Variants in MTARC1 observed in about 807,000 individuals in gnomAD.
The protein encoded by MTARC1 is mitochondrial amidoxime-reducing component 1.
In MTARC1, 24 loss-of-function variants were observed where a neutral mutation model predicts 33.6. That is an observed-to-expected ratio of 0.72 (90% CI 0.52 to 1.01). The LOEUF (loss-of-function observed/expected upper bound fraction) is 1.01, where lower values mean the gene tolerates loss of function less well. MTARC1 is among the 50% of genes least tolerant of loss of function. MTARC1 has a pLI of 0.00. For missense variants in MTARC1, 417 were observed against 445.7 expected, an observed-to-expected ratio of 0.94 and a Z score of 0.58; for synonymous variants, 187 against 189.5, an observed-to-expected ratio of 0.99 and a Z score of 0.11.
rs1673227595 is a variant in MTARC1, at chr1:220,814,229, C to CA, written c.*812dup. ...AAAGGGGGAAAAGGAAAGCATATGTCAGTTGTTTAAAACCCAATATCTATT... is the reference window on the plus strand; with the variant it reads ...AAAGGGGGAAAAGGAAAGCATATGTCAAGTTGTTTAAAACCCAATATCTATT... On this transcript the variant is annotated 3_prime_UTR_variant, in exon 7 of 7. Coordinates refer to ENST00000366910, the MANE Select transcript of MTARC1 (RefSeq NM_022746.4). 1 of 152,194 alleles carries CA rather than the reference C, an allele frequency of 6.6e-6. No homozygotes were observed. Among genetic ancestry groups the CA allele is most frequent in the Non-Finnish European group, 1.5e-5 (1 of 68,040 alleles). The allele number at this position is 152,194 out of a possible 1,614,324, so 9.4% of individuals were successfully genotyped here.
chr1:220,807,244 A>G (rs754677040), intron 6 of MTARC1, among the ~76,000 whole-genome samples: 54 of 152,316 alleles, frequency 3.5e-4, no homozygotes, highest in Middle Eastern at 6.8e-3. Context: ...GAAATGCAAA[A>G]AGACAATACA....
intron 6 of MTARC1, among the ~76,000 whole-genome samples, chr1:220,809,798 A>G (rs184506583): frequency 6.6e-6 from 1 of 152,190 alleles, no homozygotes; most frequent in African/African-American, 2.4e-5. Flanking sequence ...ATGCTGTTTA[A>G]TTCTTAACCT....
intron 6 of MTARC1, among the ~76,000 whole-genome samples, chr1:220,807,274 C>T (rs1156774776): frequency 6.6e-6 from 1 of 152,126 alleles, no homozygotes; most frequent in African/African-American, 2.4e-5. Flanking sequence ...TGGATAGATA[C>T]ATGTGTGATA....
At position 220,791,540 on chromosome 1, in the gene MTARC1, G is replaced by A. The variant is rs771876954; in HGVS notation, c.325G>A (p.Glu109Lys). 6.2e-7 allele frequency: 1 copy of A among 1,614,122 alleles called. No homozygotes were observed. Among genetic ancestry groups the A allele is most frequent in the Non-Finnish European group, 8.5e-7 (1 of 1,180,028 alleles). ...QEGNMVTARQ[E>K]PRLVLISLTC... The stretch of plus-strand genomic sequence containing the variant: ...GGGAAACATGGTTACTGCTCGCCAG[G>A]AACCTCGCCTGGTCCTGATTTCCCT... Residue 109 changes from glutamate (E) to lysine (K), a missense_variant, in exon 2 of 7, where the codon GAA becomes AAA. Physicochemically the swap from Glu to Lys is moderately conservative, Grantham distance 56. Coordinates refer to ENST00000366910, the MANE Select transcript of MTARC1 (RefSeq NM_022746.4).
chr1:220,811,005 A>G (rs1673115897), intron 6 of MTARC1, among the ~76,000 whole-genome samples: 1 of 152,162 alleles, frequency 6.6e-6, no homozygotes, highest in South Asian at 2.1e-4. Context: ...TTCCTTATAA[A>G]CTATCCATGT....
At chr1:220,805,155 A>G in intron 5 of MTARC1, 42 bp downstream of exon 5, 1 of 1,613,996 alleles carries the variant, frequency 6.2e-7, no homozygotes, top group Non-Finnish European at 8.5e-7. Context: ...GGTGGGGATA[A>G]GTTCGCTCTG....
chr1:220,798,718 G>A (rs114475693), intron 4 of MTARC1: 1 of 755,510 alleles, frequency 1.3e-6, no homozygotes, highest in African/African-American at 1.9e-5. Context: ...CAGAAACCCT[G>A]ACCCACAGCT....
rs1240346425 is a variant in MTARC1, at chr1:220,816,649, G to C, written c.*3231G>C. The stretch of plus-strand genomic sequence containing the variant: ...GAAATGATCCTCTGATCTCTAGGCA[G>C]AATGCCAGTGAGCCAAGGAATCCCA... On this transcript the variant is annotated 3_prime_UTR_variant, in exon 7 of 7. Transcript: ENST00000366910. 1 of 152,282 alleles carries C rather than the reference G, an allele frequency of 6.6e-6. No individual in the cohort carries two copies. The highest frequency in any genetic ancestry group is 1.5e-5 in the Non-Finnish European group (1 of 68,076). 9.4% of individuals were successfully genotyped at this position (152,282 alleles called of 1,614,324 possible). A position where few individuals can be genotyped will look rare whatever the true frequency, so the allele number is the denominator to read the frequency against.
intron 1 of MTARC1, among the ~76,000 whole-genome samples, chr1:220,788,686 G>A (rs1028430589): frequency 6.6e-6 from 1 of 151,892 alleles, no homozygotes; most frequent in African/African-American, 2.4e-5. Flanking sequence ...CTACTCGGGA[G>A]ACTGAGGCAG....
rs370428328 is a variant in MTARC1, at chr1:220,801,555, G to A, written c.754-3497G>A. The stretch of plus-strand genomic sequence containing the variant: ...TGTCCAGGAGAAAGGGGGGCACTGA[G>A]GGAGGGGTACATACACAGGGCTATG... On this transcript the variant is annotated intron_variant, in intron 4 of 6. Coordinates refer to ENST00000366910, the MANE Select transcript of MTARC1 (RefSeq NM_022746.4). Among the ~76,000 whole-genome samples, 3 of 152,210 alleles carry A rather than the reference G, an allele frequency of 2.0e-5. No individual in the cohort carries two copies. The South Asian group carries it at 6.2e-4, about 31-fold the overall frequency.
At position 220,812,979 on chromosome 1, in the gene MTARC1, G is replaced by A. The variant is rs575130610; in HGVS notation, c.888-313G>A. 3.7e-4 allele frequency among the ~76,000 whole-genome samples: 57 copies of A among 152,236 alleles called. 1 individual carries two copies. The highest frequency in any genetic ancestry group is 3.9e-4 in the East Asian group (2 of 5,172). On this transcript the variant is annotated intron_variant, in intron 6 of 6. Transcript: ENST00000366910. ...TCCTGGTTGTGATCTGCCAGCCTCGGCCTCCCAAAGTGCTGGGATTACAGG... is the reference window on the plus strand; with the variant it reads ...TCCTGGTTGTGATCTGCCAGCCTCGACCTCCCAAAGTGCTGGGATTACAGG...
chr1:220,818,602 G>A lies in MTARC1; in HGVS notation c.*5184G>A, dbSNP rs974357074. 27 of 152,154 alleles carry A rather than the reference G, an allele frequency of 1.8e-4. No individual in the cohort carries two copies. Among genetic ancestry groups the A allele is most frequent in the African/African-American group, 6.5e-4 (27 of 41,412 alleles). The allele number at this position is 152,154 out of a possible 1,614,324, so 9.4% of individuals were successfully genotyped here. A position where few individuals can be genotyped will look rare whatever the true frequency, so the allele number is the denominator to read the frequency against. ...TAGTCCCTCCCCTTCCCTGGCATTT[G>A]TTATGCCCTCTACCAATCCCTGACC... On this transcript the variant is annotated 3_prime_UTR_variant, in exon 7 of 7. Coordinates refer to ENST00000366910, the MANE Select transcript of MTARC1 (RefSeq NM_022746.4).
rs1264684004 is a variant in MTARC1, at chr1:220,816,305, A to G, written c.*2887A>G. On this transcript the variant is annotated 3_prime_UTR_variant, in exon 7 of 7. Coordinates refer to ENST00000366910, the MANE Select transcript of MTARC1 (RefSeq NM_022746.4). ...TCCAAGAGTGTATCAAATTAAAGCA[A>G]CCCATGATGGTGGAGAACAGATACA... The G allele has an allele frequency of 6.6e-6, 1 of 152,222 alleles. No homozygotes were observed. The highest frequency in any genetic ancestry group is 1.9e-4 in the East Asian group (1 of 5,194). The allele number at this position is 152,222 out of a possible 1,614,324, so 9.4% of individuals were successfully genotyped here.
At position 220,817,237 on chromosome 1, in the gene MTARC1, G is replaced by T; in HGVS notation, c.*3819G>T. On this transcript the variant is annotated 3_prime_UTR_variant, in exon 7 of 7. Transcript: ENST00000366910. Reference sequence around the variant, plus strand: ...CCTCAGCCTCCCGAGTAGCTGGTGTGTCTGGAGTTGGTTCCTTCTGGTGGG... The same window carrying T: ...CCTCAGCCTCCCGAGTAGCTGGTGTTTCTGGAGTTGGTTCCTTCTGGTGGG... The T allele has an allele frequency of 6.2e-6, 1 of 160,828 alleles. No individual in the cohort carries two copies. Among genetic ancestry groups the T allele is most frequent in the Non-Finnish European group, 1.3e-5 (1 of 75,206 alleles). 10.0% of individuals were successfully genotyped at this position (160,828 alleles called of 1,614,324 possible).
At chr1:220,808,003 G>A (rs1272037854) in intron 6 of MTARC1, among the ~76,000 whole-genome samples, 1 of 152,116 alleles carries the variant, frequency 6.6e-6, no homozygotes, top group Non-Finnish European at 1.5e-5. Flanking sequence ...AAAGGAGGCA[G>A]GACAGAAATA....
rs573576427 is a variant in MTARC1, at chr1:220,786,986, C to T, written c.42C>T (p.Leu14=). The change falls in exon 1 of 7, where the codon CTC becomes CTT. Residue 14 remains leucine (L), a synonymous_variant. Transcript: ENST00000366910. ...AGSSALARFV[L]LAQSRPGWLG... is the part of the protein sequence containing the mutation. Reference sequence around the variant, plus strand: ...CCTCCGCGCTGGCGCGCTTTGTCCTCCTCGCGCAATCCCGGCCCGGGTGGC... The same window carrying T: ...CCTCCGCGCTGGCGCGCTTTGTCCTTCTCGCGCAATCCCGGCCCGGGTGGC... The T allele has an allele frequency of 4.2e-4, 541 of 1,282,476 alleles. No individual in the cohort carries two copies. The Middle Eastern group carries it at 4.8e-3, about 11-fold the overall frequency. The allele number at this position is 1,282,476 out of a possible 1,614,324, so 79.4% of individuals were successfully genotyped here.
intron 3 of MTARC1, among the ~76,000 whole-genome samples, chr1:220,797,190 A>G (rs1672648770): frequency 6.6e-6 from 1 of 152,222 alleles, no homozygotes; most frequent in Non-Finnish European, 1.5e-5. Flanking sequence ...GGAGATACAC[A>G]GACTCAAATG....
chr1:220,805,265 C>T lies in MTARC1; in HGVS notation c.878C>T (p.Thr293Ile). 1.2e-6 allele frequency: 2 copies of T among 1,613,062 alleles called. No homozygotes were observed. Among genetic ancestry groups the T allele is most frequent in the East Asian group, 2.2e-5 (1 of 44,870 alleles). Residue 293 changes from threonine to isoleucine, a missense_variant, in exon 6 of 7, where the codon ACA becomes ATA. Physicochemically the swap from Thr to Ile is moderately conservative, Grantham distance 89. Transcript: ENST00000366910. ...GVMSRKEPLE[T>I]LKSYRQCDPS... is the part of the protein sequence containing the mutation. ...ATGAGCAGGAAGGAACCGCTGGAAA[C>T]ACTGAAGAGGTAGGACTGGGCAGAC... is the stretch of plus-strand genomic sequence containing the variant.
chr1:220,797,817 C>A (rs1352304358), intron 3 of MTARC1, 57 bp from the exon 4 acceptor site: 2 of 1,565,792 alleles, frequency 1.3e-6, no homozygotes, highest in Non-Finnish European at 1.7e-6. Context: ...CTAGGCACAC[C>A]TAACCACTGA....
Sources: allele counts gnomAD v4.1 joint callset (sites outside exome capture counted in the v4.1 genomes callset), GRCh38; gene constraint gnomAD v4.1.1; transcripts MANE v1.5; gene names NCBI Gene and HGNC (gene_info 2026-07-23, HGNC 2026-07-21).